Variants in PAWR observed in about 807,000 individuals in gnomAD.
PAWR encodes the protein pro-apoptotic WT1 regulator.
PAWR carries 23 observed loss-of-function variants against 32.0 expected under a neutral mutation model. The ratio of observed to expected loss-of-function variants is 0.72; its 90% confidence interval spans 0.52 to 1.02. PAWR has a LOEUF of 1.02. Ranked by LOEUF, PAWR falls within the 50% of genes least tolerant of loss-of-function variation. The pLI, the probability that PAWR is intolerant of heterozygous loss-of-function variation, is 0.00. For synonymous variants in PAWR, 226 were observed against 187.1 expected (o/e 1.21, Z -1.70); for missense variants, 457 against 437.7 (o/e 1.04, Z -0.39).
At chr12:79,646,655 A>G (rs1366416944) in intron 2 of PAWR, among the ~76,000 whole-genome samples, 4 of 152,210 alleles carry the variant, frequency 2.6e-5, no homozygotes, top group African/African-American at 9.6e-5. Context: ...ATATAGAAAG[A>G]GAAAAAAGGA....
At chr12:79,663,603 A>G (rs1877452827) in intron 2 of PAWR, among the ~76,000 whole-genome samples, 1 of 152,166 alleles carries the variant, frequency 6.6e-6, no homozygotes, top group Non-Finnish European at 1.5e-5. Flanking sequence ...ACTAAAAAAT[A>G]CAAAAAATTA....
At chr12:79,612,721 C>T (rs1197950895) in intron 4 of PAWR, among the ~76,000 whole-genome samples, 1 of 152,146 alleles carries the variant, frequency 6.6e-6, no homozygotes, top group Non-Finnish European at 1.5e-5. Flanking sequence ...TAATATTTAT[C>T]ATTCTAGGAT....
intron 5 of PAWR, among the ~76,000 whole-genome samples, chr12:79,594,728 T>A (rs941737183): frequency 3.3e-5 from 5 of 149,894 alleles, no homozygotes; most frequent in African/African-American, 1.3e-4. Context: ...TGTGTGTGTG[T>A]ATGTATGTAT....
At chr12:79,665,061 A>G (rs1434853685) in intron 2 of PAWR, among the ~76,000 whole-genome samples, 1 of 152,058 alleles carries the variant, frequency 6.6e-6, no homozygotes, top group African/African-American at 2.4e-5. Context: ...CTCCAATAAT[A>G]TGAAAAAACA....
At chr12:79,683,170 C>T (rs577221322) in intron 2 of PAWR, among the ~76,000 whole-genome samples, 1 of 152,218 alleles carries the variant, frequency 6.6e-6, no homozygotes, top group South Asian at 2.1e-4. Flanking sequence ...CCAAGTAGCT[C>T]AACCTGTCTG....
chr12:79,607,365 C>G (rs1307546801), intron 4 of PAWR, among the ~76,000 whole-genome samples: 1 of 152,134 alleles, frequency 6.6e-6, no homozygotes, highest in Non-Finnish European at 1.5e-5. Context: ...CCCAAGAAGA[C>G]TCTCTTTCTT....
chr12:79,657,492 CTA>C (rs985268843), intron 2 of PAWR, among the ~76,000 whole-genome samples: 10 of 151,722 alleles, frequency 6.6e-5, no homozygotes, highest in African/African-American at 2.4e-4. Flanking sequence ...CTGAGAAATC[CTA>C]TATAGATTCT....
At chr12:79,625,960 C>T (rs1365144238) in intron 2 of PAWR, among the ~76,000 whole-genome samples, 5 of 150,480 alleles carry the variant, frequency 3.3e-5, no homozygotes, top group Non-Finnish European at 4.4e-5. Context: ...GTCAGGAGAT[C>T]GAGACCATCC....
intron 3 of PAWR, among the ~76,000 whole-genome samples, chr12:79,619,219 A>G (rs1378056561): frequency 6.6e-6 from 1 of 152,066 alleles, no homozygotes; most frequent in African/African-American, 2.4e-5. Context: ...AAATGTAACC[A>G]CAGTGTCTAT....
intron 2 of PAWR, among the ~76,000 whole-genome samples, chr12:79,684,574 T>C (rs1878594534): frequency 1.3e-5 from 2 of 151,042 alleles, no homozygotes; most frequent in African/African-American, 4.9e-5. Flanking sequence ...TCACACCACA[T>C]GCCACTGTAC....
intron 2 of PAWR, chr12:79,632,132 C>CAAAAAAAAAAAAAAAAA (rs59152885): frequency 7.9e-5 from 4 of 50,912 alleles, no homozygotes; most frequent in African/African-American, 2.0e-4. Flanking sequence ...GACTCTGTCT[C>CAAAAAAAAAAAAAAAAA]AAAAAAAAAA....
chr12:79,660,696 GC>G (rs1320190679), intron 2 of PAWR, among the ~76,000 whole-genome samples: 1 of 149,258 alleles, frequency 6.7e-6, no homozygotes, highest in African/African-American at 2.5e-5. Flanking sequence ...TGATTCTCCT[GC>G]CTCAGTCTCC....
At chr12:79,605,819 A>T (rs1874155456) in intron 4 of PAWR, among the ~76,000 whole-genome samples, 1 of 152,194 alleles carries the variant, frequency 6.6e-6, no homozygotes, top group Non-Finnish European at 1.5e-5. Flanking sequence ...CACGCCTGTA[A>T]TCCCAGCACT....
intron 2 of PAWR, among the ~76,000 whole-genome samples, chr12:79,679,352 G>A (rs576923804): frequency 3.9e-5 from 6 of 152,144 alleles, no homozygotes; most frequent in African/African-American, 1.4e-4. Flanking sequence ...TGGAATGAAA[G>A]AAGCTGTCAC....
intron 2 of PAWR, among the ~76,000 whole-genome samples, chr12:79,658,985 A>G (rs1162669664): frequency 6.6e-6 from 1 of 151,870 alleles, no homozygotes; most frequent in Non-Finnish European, 1.5e-5. Flanking sequence ...AAAAAAAAAA[A>G]AAAGAAAAAG....
chr12:79,641,159 AT>A (rs1199542650), intron 2 of PAWR, among the ~76,000 whole-genome samples: 62 of 152,136 alleles, frequency 4.1e-4, no homozygotes, highest in East Asian at 3.5e-3. Flanking sequence ...GGCAATTGGT[AT>A]TTTTTTTAAA....
intron 2 of PAWR, among the ~76,000 whole-genome samples, chr12:79,632,347 A>G (rs1322009035): frequency 2.2e-4 from 11 of 49,584 alleles, no homozygotes; most frequent in East Asian, 1.2e-3. Flanking sequence ...ATATATATAT[A>G]TATATATATA....
At chr12:79,642,818 A>C (rs1315105014) in intron 2 of PAWR, among the ~76,000 whole-genome samples, 1 of 152,148 alleles carries the variant, frequency 6.6e-6, no homozygotes, top group Non-Finnish European at 1.5e-5. Flanking sequence ...AAAATAAAAC[A>C]CTTGGAACCT....
At chr12:79,615,517 T>TTAA in intron 3 of PAWR, among the ~76,000 whole-genome samples, 1 of 152,254 alleles carries the variant, frequency 6.6e-6, no homozygotes, top group South Asian at 2.1e-4. Flanking sequence ...CAAAGACATT[T>TTAA]TAACCATCCC....
Sources: allele counts gnomAD v4.1 joint callset (sites outside exome capture counted in the v4.1 genomes callset), GRCh38; gene constraint gnomAD v4.1.1; transcripts MANE v1.5; gene names NCBI Gene and HGNC (gene_info 2026-07-23, HGNC 2026-07-21).